Variants in LPIN1 observed in about 807,000 individuals in gnomAD.
The protein encoded by LPIN1 is phosphatidate phosphatase LPIN1.
In LPIN1, 71 loss-of-function variants were observed where a neutral mutation model predicts 107.5. The ratio of observed to expected loss-of-function variants is 0.66; its 90% CI spans 0.55 to 0.80. The LOEUF is 0.80. Among genes scored for constraint, LPIN1 ranks in the 30% least tolerant of loss-of-function variants. The pLI is 0.00. For synonymous variants in LPIN1, 445 were observed against 452.6 expected (o/e 0.98, Z 0.21); for missense variants, 1,043 against 1,160.6 (o/e 0.90, Z 1.47).
At chr2:11,810,754 G>A (rs1378536117) in intron 17 of LPIN1, among the ~76,000 whole-genome samples, 1 of 152,166 alleles carries the variant, frequency 6.6e-6, no homozygotes, top group Non-Finnish European at 1.5e-5. Flanking sequence ...TGGCATCGTG[G>A]GGGCCTCGGT....
intron 5 of LPIN1, among the ~76,000 whole-genome samples, chr2:11,775,289 T>C (rs543843051): frequency 3.3e-5 from 5 of 152,218 alleles, no homozygotes; most frequent in Non-Finnish European, 7.4e-5. Context: ...GAGGGAAAAA[T>C]AGTGGTTTAG....
At position 11,803,126 on chromosome 2, in the gene LPIN1, C is replaced by T. The variant is rs889313981; in HGVS notation, c.2013+93C>T. ...TGTGATGGTTGGGATGTGCCCGTTACTTGTCACCTTTCATCCCAGGGGGCC... is the reference window on the plus strand; with the variant it reads ...TGTGATGGTTGGGATGTGCCCGTTATTTGTCACCTTTCATCCCAGGGGGCC... On this transcript the variant is annotated intron_variant, in intron 15 of 20. Transcript: ENST00000674199. The surrounding 1 kb of genome is among the most constrained non-coding windows in gnomAD (Gnocchi z 4.2). The T allele has an allele frequency of 6.5e-6, 10 of 1,550,306 alleles. No individual in the cohort carries two copies. In the Admixed American group the frequency reaches 1.3e-4, roughly 21 times the overall value.
Position 11,782,464 on chromosome 2 carries a change from A to G in LPIN1, c.1221A>G (p.Val407=). The part of the protein sequence containing the change: ...IEELKPPSAS[V]VQTANKTDSP... ...AGCTCAAACCCCCCTCTGCCAGTGTAGTCCAGACAGCAAACAAGACGGATT... is the reference window on the plus strand; with the variant it reads ...AGCTCAAACCCCCCTCTGCCAGTGTGGTCCAGACAGCAAACAAGACGGATT... The change falls in exon 8 of 21, where the codon GTA becomes GTG. Residue 407 remains valine (V), a synonymous_variant. Coordinates refer to ENST00000674199, the MANE Select transcript of LPIN1 (RefSeq NM_001349206.2). The G allele has an allele frequency of 1.2e-6, 2 of 1,614,194 alleles. No homozygotes were observed. Among genetic ancestry groups the G allele is most frequent in the South Asian group, 2.2e-5 (2 of 91,084 alleles).
chr2:11,724,703 G>A, intron 1 of LPIN1: 1 of 916,002 alleles, frequency 1.1e-6, no homozygotes. Context: ...CGGTGACACA[G>A]GTCAATGTGT....
Position 11,776,142 on chromosome 2 carries a change from GTCTGTC to G in LPIN1, c.781_786del (p.Leu261_Ser262del). On this transcript the variant is annotated inframe_deletion, in exon 6 of 21. Transcript: ENST00000674199. ...CATCTTGCAGTTGCGGCCGAGGGAG[GTCTGTC>G]TAGTTCTTGCCCTCCACAGTCTTCC... The G allele has an allele frequency of 6.5e-7, 1 of 1,548,190 alleles. No homozygotes were observed. Among genetic ancestry groups the G allele is most frequent in the Non-Finnish European group, 8.7e-7 (1 of 1,145,380 alleles).
At chr2:11,769,828 C>G (rs554915471) in intron 3 of LPIN1, among the ~76,000 whole-genome samples, 1 of 152,150 alleles carries the variant, frequency 6.6e-6, no homozygotes, top group African/African-American at 2.4e-5. Context: ...TAGTTCCTTT[C>G]CAGGAAGACA....
chr2:11,709,490 A>C (rs1289784106), intron 1 of LPIN1, among the ~76,000 whole-genome samples: 1 of 152,208 alleles, frequency 6.6e-6, no homozygotes, highest in East Asian at 1.9e-4. Flanking sequence ...GACAGTTCCC[A>C]CACATTCCTG....
intron 17 of LPIN1, among the ~76,000 whole-genome samples, chr2:11,813,899 G>A (rs1680111753): frequency 6.6e-6 from 1 of 152,068 alleles, no homozygotes; most frequent in African/African-American, 2.4e-5. Context: ...GGGGGACAGA[G>A]CAAGACTCTG....
At chr2:11,725,960 C>A (rs527435668) in intron 1 of LPIN1, among the ~76,000 whole-genome samples, 1 of 152,158 alleles carries the variant, frequency 6.6e-6, no homozygotes, top group Non-Finnish European at 1.5e-5. Context: ...AGTTAACGCA[C>A]GGCAGAGAGG....
At chr2:11,714,418 G>A (rs919074099) in intron 2 of LPIN1, among the ~76,000 whole-genome samples, 3 of 152,150 alleles carry the variant, frequency 2.0e-5, no homozygotes, top group African/African-American at 7.2e-5. Flanking sequence ...CAGCCCAAAG[G>A]CCATCACTAC....
intron 17 of LPIN1, among the ~76,000 whole-genome samples, chr2:11,808,613 C>T (rs917470074): frequency 5.3e-5 from 8 of 152,092 alleles, no homozygotes; most frequent in East Asian, 1.9e-4. Flanking sequence ...GTGACTAACA[C>T]GAATAGTCCG....
chr2:11,808,874 A>G (rs1316141473), intron 17 of LPIN1, among the ~76,000 whole-genome samples: 2 of 149,266 alleles, frequency 1.3e-5, no homozygotes. Flanking sequence ...CCATCTCAAA[A>G]AAAAAAAAAA....
At chr2:11,708,190 T>C (rs6725991) in intron 1 of LPIN1, among the ~76,000 whole-genome samples, 23,427 of 152,172 alleles carry the variant, frequency 0.15, 1,998 homozygotes, top group East Asian at 0.3. Flanking sequence ...CCTTCACTGT[T>C]GGCCCCCCGA....
intron 1 of LPIN1, among the ~76,000 whole-genome samples, chr2:11,688,202 A>G (rs1321412073): frequency 6.6e-6 from 1 of 152,158 alleles, no homozygotes; most frequent in Non-Finnish European, 1.5e-5. Flanking sequence ...TGCTGGAGAT[A>G]AAAGGACGGA....
chr2:11,716,698 T>G (rs1022671415), intron 2 of LPIN1, among the ~76,000 whole-genome samples: 1 of 152,056 alleles, frequency 6.6e-6, no homozygotes, highest in Non-Finnish European at 1.5e-5. Flanking sequence ...TGGAGACATG[T>G]TTGAGGGAAA....
In LPIN1 at chr2:11,765,808, G is replaced by C; in HGVS notation, c.192+75G>C. The C allele has an allele frequency of 7.4e-7, 1 of 1,345,808 alleles. No homozygotes were observed. The highest frequency in any genetic ancestry group is 1.0e-6 in the Non-Finnish European group (1 of 973,764). 83.4% of individuals were successfully genotyped at this position (1,345,808 alleles called of 1,614,324 possible). A position where few individuals can be genotyped will look rare whatever the true frequency, so the allele number is the denominator to read the frequency against. Reference sequence around the variant, plus strand: ...CCCTTGTACTCTGGTGATGCCACCTGTCTTGAACTCTCAGACCCAGAGTTT... The same window carrying C: ...CCCTTGTACTCTGGTGATGCCACCTCTCTTGAACTCTCAGACCCAGAGTTT... On this transcript the variant is annotated intron_variant, in intron 2 of 20. Coordinates refer to ENST00000674199, the MANE Select transcript of LPIN1 (RefSeq NM_001349206.2). The surrounding 1 kb of genome is among the most constrained non-coding windows in gnomAD (Gnocchi z 4.4).
chr2:11,744,419 C>T (rs529925692), upstream of LPIN1, among the ~76,000 whole-genome samples: 41 of 152,324 alleles, frequency 2.7e-4, no homozygotes, highest in Admixed American at 6.5e-4. Flanking sequence ...GTTTTCTTCT[C>T]ATTGCTTGTT....
At chr2:11,685,738 C>T (rs1661968875) in intron 1 of LPIN1, among the ~76,000 whole-genome samples, 1 of 152,180 alleles carries the variant, frequency 6.6e-6, no homozygotes, top group Non-Finnish European at 1.5e-5. Flanking sequence ...TCCTGATTTC[C>T]CATCGAGGAA....
rs1670627401 is a variant in LPIN1, at chr2:11,765,232, ATGATGGGCCC to A, written c.-9-294_-9-285del. On this transcript the variant is annotated intron_variant, in intron 1 of 20. Coordinates refer to ENST00000674199, the MANE Select transcript of LPIN1 (RefSeq NM_001349206.2). The surrounding 1 kb of genome is among the most constrained non-coding windows in gnomAD (Gnocchi z 4.4). Reference sequence around the variant, plus strand: ...GGGCCATGATGGACACTGATGGGCCATGATGGGCCCTGATGGACCCTGATGGACCCTGATG... The same window carrying A: ...GGGCCATGATGGACACTGATGGGCCATGATGGACCCTGATGGACCCTGATG... Among the ~76,000 whole-genome samples, 1 of 145,830 alleles carries A rather than the reference ATGATGGGCCC, an allele frequency of 6.9e-6. No homozygotes were observed. Among genetic ancestry groups the A allele is most frequent in the African/African-American group, 2.6e-5 (1 of 38,822 alleles).
Sources: allele counts gnomAD v4.1 joint callset (sites outside exome capture counted in the v4.1 genomes callset), GRCh38; gene constraint gnomAD v4.1.1; non-coding constraint Gnocchi (gnomAD v3.1); transcripts MANE v1.5; gene names NCBI Gene and HGNC (gene_info 2026-07-23, HGNC 2026-07-21).